SERPINB12: variants seen among roughly 807,000 people sequenced by gnomAD.
SERPINB12 encodes serpin family B member 12.
In SERPINB12, 57 loss-of-function variants were observed where a neutral mutation model predicts 41.1. The observed-to-expected ratio is 1.39, with a 90% confidence interval of 1.12 to 1.73. The LOEUF (loss-of-function observed/expected upper bound fraction) is 1.73, where lower values mean the gene tolerates loss of function less well. Ranked by LOEUF, SERPINB12 falls within the 40% of genes most tolerant of loss-of-function variation. SERPINB12 has a pLI of 0.00. For synonymous variants in SERPINB12, 180 were observed against 181.3 expected (o/e 0.99, Z 0.06); for missense variants, 536 against 501.9 (o/e 1.07, Z -0.65).
chr18:63,545,185 T>A lies in SERPINB12; in HGVS notation c.-19+2693T>A, dbSNP rs557273917. 5.3e-5 allele frequency among the ~76,000 whole-genome samples: 8 copies of A among 152,276 alleles called. No individual in the cohort carries two copies. In the South Asian group the frequency reaches 1.7e-3, roughly 32 times the overall value. ...GCTCTATACTTGATGAAGTAAACATTATTTTTACGGCCTGTTGACATAGAA... is the reference window on the plus strand; with the variant it reads ...GCTCTATACTTGATGAAGTAAACATAATTTTTACGGCCTGTTGACATAGAA... On this transcript the variant is annotated intron_variant, in intron 1 of 7. Coordinates refer to ENST00000382768, the MANE Select transcript of SERPINB12 (RefSeq NM_001307928.2).
Position 63,567,078 on chromosome 18 carries a change from G to T in SERPINB12, c.*67G>T. On this transcript the variant is annotated 3_prime_UTR_variant, in exon 8 of 8. Transcript: ENST00000382768. Reference sequence around the variant, plus strand: ...TCAATACAATCTTCCCCTGGCATAAGATGGGCATTTGAGTTTTTGGTAATA... The same window carrying T: ...TCAATACAATCTTCCCCTGGCATAATATGGGCATTTGAGTTTTTGGTAATA... 2 of 1,471,344 alleles carry T rather than the reference G, an allele frequency of 1.4e-6. No individual in the cohort carries two copies. Among genetic ancestry groups the T allele is most frequent in the Non-Finnish European group, 1.8e-6 (2 of 1,098,516 alleles). 91.1% of individuals were successfully genotyped at this position (1,471,344 alleles called of 1,614,324 possible).
At chr18:63,538,569 C>T (rs1410908229), upstream of SERPINB12, among the ~76,000 whole-genome samples, 1 of 152,038 alleles carries the variant, frequency 6.6e-6, no homozygotes, top group Admixed American at 6.6e-5. Flanking sequence ...GAATATACTA[C>T]ATTTTGTTTA....
At chr18:63,519,857 G>A in the SERPINB12 span, among the ~76,000 whole-genome samples, 3 of 152,162 alleles carry the variant, frequency 2.0e-5, no homozygotes, top group Admixed American at 2.0e-4. Flanking sequence ...AGGTAGGCTC[G>A]AGAATGAGTA....
chr18:63,559,003 C>CT (rs1491386715), intron 3 of SERPINB12, among the ~76,000 whole-genome samples: 4,147 of 78,470 alleles, frequency 0.053, 346 homozygotes, highest in African/African-American at 0.14. Flanking sequence ...TCTTTCCTTC[C>CT]TTCTTTCTTT....
rs72103593 is a variant in SERPINB12, at chr18:63,563,896, CAA to C, written c.563-65_563-64del. 7,789 of 1,016,962 alleles carry C rather than the reference CAA, an allele frequency of 7.7e-3. 1 individual carries two copies. Among genetic ancestry groups the C allele is most frequent in the African/African-American group, 0.033 (1,332 of 40,822 alleles). 63.0% of individuals were successfully genotyped at this position (1,016,962 alleles called of 1,614,324 possible). The stretch of plus-strand genomic sequence containing the variant: ...GGGAGACAAGAGCGAAACTCTGTCT[CAA>C]AAAAAAAAAAAAAAAATTATCTACA... On this transcript the variant is annotated intron_variant, in intron 5 of 7. Coordinates refer to ENST00000382768, the MANE Select transcript of SERPINB12 (RefSeq NM_001307928.2).
At chr18:63,527,810 A>G in the SERPINB12 span, among the ~76,000 whole-genome samples, 1 of 152,170 alleles carries the variant, frequency 6.6e-6, no homozygotes, top group Non-Finnish European at 1.5e-5. Context: ...ATCAACATCA[A>G]TAGGTAATTG....
chr18:63,547,682 ACTAT>A (rs1460993098), intron 1 of SERPINB12, among the ~76,000 whole-genome samples: 2 of 152,148 alleles, frequency 1.3e-5, no homozygotes, highest in African/African-American at 4.8e-5. Flanking sequence ...TTACATTTTT[ACTAT>A]AAGGGAAAAT....
At chr18:63,533,465 G>A in the SERPINB12 span, among the ~76,000 whole-genome samples, 65 of 152,290 alleles carry the variant, frequency 4.3e-4, 1 homozygote, top group African/African-American at 1.5e-3. Context: ...ACTTAATGCC[G>A]AGTCTGAAAT....
intron 7 of SERPINB12, 102 bp from the exon 8 acceptor site, chr18:63,566,505 T>G: frequency 1.0e-6 from 1 of 972,064 alleles, no homozygotes; most frequent in Non-Finnish European, 1.5e-6. Flanking sequence ...GTCTTGAAGG[T>G]TGTCACTGCC....
chr18:63,521,086 A>G, the SERPINB12 span, among the ~76,000 whole-genome samples: 1 of 152,276 alleles, frequency 6.6e-6, no homozygotes, highest in South Asian at 2.1e-4. Flanking sequence ...TGGTGGACAG[A>G]TGTCCTTGTA....
rs965532000 is a variant in SERPINB12 at position 63,542,440 on chromosome 18, T to G, written c.-71T>G. Among the ~76,000 whole-genome samples, 2 of 152,202 alleles carry G rather than the reference T, an allele frequency of 1.3e-5. No individual in the cohort carries two copies. The highest frequency in any genetic ancestry group is 4.8e-5 in the African/African-American group (2 of 41,452). ...TCCTCTGCTAGATTGATTTTTGAATTGACTTTATCAGAGCACAGACCTTAG... is the reference window on the plus strand; with the variant it reads ...TCCTCTGCTAGATTGATTTTTGAATGGACTTTATCAGAGCACAGACCTTAG... On this transcript the variant is annotated 5_prime_UTR_variant, in exon 1 of 8. The change creates a new upstream start codon in the 5' untranslated region. Coordinates refer to ENST00000382768, the MANE Select transcript of SERPINB12 (RefSeq NM_001307928.2).
chr18:63,556,078 A>G (rs935667144), intron 1 of SERPINB12, 64 bp from the exon 2 acceptor site: 2 of 1,182,836 alleles, frequency 1.7e-6, no homozygotes, highest in African/African-American at 3.1e-5. Context: ...GTAAAATAAA[A>G]TTGTTTGTTC....
the SERPINB12 span, among the ~76,000 whole-genome samples, chr18:63,530,777 A>G: frequency 2.6e-5 from 4 of 152,216 alleles, no homozygotes; most frequent in Non-Finnish European, 5.9e-5. Context: ...GAAGTATGTC[A>G]CAGAAAGGTA....
chr18:63,548,789 A>G (rs1376218745), intron 1 of SERPINB12, among the ~76,000 whole-genome samples: 1 of 152,068 alleles, frequency 6.6e-6, no homozygotes, highest in Non-Finnish European at 1.5e-5. Context: ...TTTTTAAGTT[A>G]TTAAGAATGG....
At chr18:63,548,885 A>G (rs76418773) in intron 1 of SERPINB12, among the ~76,000 whole-genome samples, 6,214 of 152,160 alleles carry the variant, frequency 0.041, 429 homozygotes, top group African/African-American at 0.14. Context: ...AATCTTTATA[A>G]TATTTGACCT....
chr18:63,564,160 C>T (rs772252015), intron 6 of SERPINB12, 40 bp downstream of exon 6: 5 of 1,584,656 alleles, frequency 3.2e-6, no homozygotes, highest in African/African-American at 1.4e-5. Context: ...CTAGCCAACT[C>T]ATAATTTCCA....
At chr18:63,563,273 T>C (rs1910973460) in intron 5 of SERPINB12, among the ~76,000 whole-genome samples, 1 of 152,240 alleles carries the variant, frequency 6.6e-6, no homozygotes, top group Non-Finnish European at 1.5e-5. Flanking sequence ...CCTTATGCTA[T>C]GTTGAGTGCT....
intron 1 of SERPINB12, among the ~76,000 whole-genome samples, chr18:63,555,208 T>C (rs1305622400): frequency 1.3e-5 from 2 of 152,190 alleles, no homozygotes; most frequent in Non-Finnish European, 2.9e-5. Context: ...TATGAATGAC[T>C]GACTAAAGTG....
At chr18:63,557,244 G>A (rs558034403) in intron 2 of SERPINB12, among the ~76,000 whole-genome samples, 188 of 152,158 alleles carry the variant, frequency 1.2e-3, no homozygotes, top group Non-Finnish European at 2.4e-3. Context: ...CCTGGTAACT[G>A]ACCTCAGCTC....
Sources: allele counts gnomAD v4.1 joint callset (sites outside exome capture counted in the v4.1 genomes callset), GRCh38; gene constraint gnomAD v4.1.1; transcripts MANE v1.5; gene names NCBI Gene and HGNC (gene_info 2026-07-23, HGNC 2026-07-21).